Variants in ASPRV1 observed in about 807,000 individuals in gnomAD.
ASPRV1 encodes the protein aspartic peptidase retroviral like 1, also known as retroviral-like aspartic protease 1.
A neutral mutation model predicts 11.0 loss-of-function variants in ASPRV1; 7 were observed. That is an observed-to-expected ratio of 0.64 (90% CI 0.36 to 1.20). The LOEUF is 1.20. Among genes scored for constraint, ASPRV1 ranks in the 50% most tolerant of loss-of-function variants. The pLI, the probability that ASPRV1 is intolerant of heterozygous loss-of-function variation, is 0.02. For synonymous variants in ASPRV1, 136 were observed against 138.4 expected (o/e 0.98, Z 0.12); for missense variants, 299 against 320.0 (o/e 0.93, Z 0.50).
chr2:70,000,195 T>C, the ASPRV1 span, among the ~76,000 whole-genome samples: 2 of 152,032 alleles, frequency 1.3e-5, no homozygotes, highest in East Asian at 3.9e-4. Flanking sequence ...ATTTGTAATA[T>C]ATGAGAATTG....
upstream of ASPRV1, chr2:69,961,993 T>C (rs1422225796): frequency 6.0e-6 from 2 of 332,398 alleles, no homozygotes; most frequent in Non-Finnish European, 1.2e-5. Context: ...GAAGCCGCCA[T>C]TGGCCTCCCC....
the ASPRV1 span, chr2:69,939,620 T>C: frequency 6.5e-6 from 1 of 152,682 alleles, no homozygotes; most frequent in African/African-American, 2.4e-5. Context: ...ATCTACAAAA[T>C]TAGTTCATTC....
At chr2:70,035,825 G>A in the ASPRV1 span, among the ~76,000 whole-genome samples, 1 of 151,464 alleles carries the variant, frequency 6.6e-6, no homozygotes, top group Non-Finnish European at 1.5e-5. Context: ...ACAAGTGGAG[G>A]TACCATGGAA....
At chr2:70,043,732 C>T in the ASPRV1 span, among the ~76,000 whole-genome samples, 17 of 152,196 alleles carry the variant, frequency 1.1e-4, no homozygotes, top group Non-Finnish European at 5.9e-5. Context: ...GCTGTGCCTC[C>T]CCCTTCTAAG....
chr2:70,084,516 T>C, the ASPRV1 span, among the ~76,000 whole-genome samples: 1 of 152,206 alleles, frequency 6.6e-6, no homozygotes, highest in Admixed American at 6.5e-5. Flanking sequence ...AATCTGTACC[T>C]CTGTAAAACT....
chr2:69,981,151 T>C, the ASPRV1 span, among the ~76,000 whole-genome samples: 13 of 152,344 alleles, frequency 8.5e-5, no homozygotes, highest in South Asian at 1.7e-3. Context: ...TAAGATTTTA[T>C]CTAAACTTAT....
the ASPRV1 span, chr2:70,085,455 G>T: frequency 6.6e-6 from 1 of 152,120 alleles, no homozygotes; most frequent in African/African-American, 2.4e-5. Context: ...TACCTGAAGG[G>T]CTCATTTAAA....
At chr2:69,990,963 C>T in the ASPRV1 span, among the ~76,000 whole-genome samples, 3 of 152,130 alleles carry the variant, frequency 2.0e-5, no homozygotes, top group East Asian at 1.9e-4. Flanking sequence ...CAGGGAACTC[C>T]GCACCACACC....
At chr2:70,026,396 G>C in the ASPRV1 span, among the ~76,000 whole-genome samples, 1 of 150,748 alleles carries the variant, frequency 6.6e-6, no homozygotes, top group African/African-American at 2.4e-5. Context: ...AGAAATAAAG[G>C]GCATCCAGAT....
chr2:70,064,591 G>A, the ASPRV1 span, among the ~76,000 whole-genome samples: 12 of 152,160 alleles, frequency 7.9e-5, no homozygotes, highest in Non-Finnish European at 1.6e-4. Flanking sequence ...AAGAGCACAC[G>A]CAAAGGCCTT....
the ASPRV1 span, among the ~76,000 whole-genome samples, chr2:70,052,372 GA>G: frequency 3.3e-5 from 5 of 152,008 alleles, no homozygotes; most frequent in East Asian, 1.9e-4. Context: ...GAAATCAAGT[GA>G]AAAAAAGATG....
the ASPRV1 span, among the ~76,000 whole-genome samples, chr2:70,021,454 G>C: frequency 6.6e-6 from 1 of 151,620 alleles, no homozygotes; most frequent in African/African-American, 2.4e-5. Context: ...CAGCAGCTAG[G>C]ACTACAGGTG....
At chr2:69,979,246 G>T in the ASPRV1 span, among the ~76,000 whole-genome samples, 2 of 152,152 alleles carry the variant, frequency 1.3e-5, no homozygotes, top group South Asian at 4.1e-4. Context: ...TGTTGGCCAG[G>T]ATGGTCTCAA....
chr2:69,960,669 C>A lies in ASPRV1; in HGVS notation c.768G>T (p.Glu256Asp). The stretch of plus-strand genomic sequence containing the variant: ...AAAAGGTGGCTTCTCAGTGGGATAG[C>A]TCCTGCCGCCCTTCTTCTGAGGAGG... ...EDPSSEEGRQ[E>D]LSH Residue 256 changes from glutamate to aspartate, a missense_variant, in exon 1 of 1, where the codon GAG becomes GAT. Coordinates refer to ENST00000320256, the MANE Select transcript of ASPRV1 (RefSeq NM_152792.4). 1 of 1,611,972 alleles carries A rather than the reference C, an allele frequency of 6.2e-7. No individual in the cohort carries two copies. Among genetic ancestry groups the A allele is most frequent in the Non-Finnish European group, 8.5e-7 (1 of 1,179,158 alleles).
the ASPRV1 span, among the ~76,000 whole-genome samples, chr2:70,043,437 T>C: frequency 6.6e-6 from 1 of 151,564 alleles, no homozygotes; most frequent in Non-Finnish European, 1.5e-5. Flanking sequence ...AAAAAAAAAG[T>C]TGTATGTCTT....
At chr2:70,063,248 G>A in the ASPRV1 span, among the ~76,000 whole-genome samples, 9 of 152,186 alleles carry the variant, frequency 5.9e-5, no homozygotes, top group South Asian at 6.2e-4. Context: ...GCCCCCTAAC[G>A]CTGTCAAAAT....
chr2:70,012,880 T>C, the ASPRV1 span, among the ~76,000 whole-genome samples: 7 of 152,172 alleles, frequency 4.6e-5, no homozygotes, highest in African/African-American at 7.2e-5. Context: ...ACTTGGGTAT[T>C]TGGCAAACAT....
chr2:70,022,228 G>C, the ASPRV1 span, among the ~76,000 whole-genome samples: 2 of 151,514 alleles, frequency 1.3e-5, no homozygotes, highest in Admixed American at 1.3e-4. Context: ...TGTTAGCCAG[G>C]GTGGTCTCAA....
the ASPRV1 span, among the ~76,000 whole-genome samples, chr2:69,995,595 T>C: frequency 1.3e-5 from 2 of 152,084 alleles, no homozygotes; most frequent in Non-Finnish European, 2.9e-5. Flanking sequence ...CAAATGGAAT[T>C]TGTTCAGGGC....
Sources: gnomAD v4.1 joint callset for allele counts (sites outside exome capture counted in the v4.1 genomes callset) on GRCh38, gnomAD v4.1.1 for gene constraint, MANE v1.5 for transcripts, NCBI Gene and HGNC (gene_info 2026-07-23, HGNC 2026-07-21) for gene names.